Variants in ABL1 observed in about 807,000 individuals in gnomAD.
ABL1 encodes ABL proto-oncogene 1, non-receptor tyrosine kinase.
Under a neutral mutation model 94.7 loss-of-function variants are expected in ABL1, and 11 were observed. That is an observed-to-expected ratio of 0.12 (90% CI 0.07 to 0.19). ABL1 has a LOEUF of 0.19. ABL1 is among the 10% of genes least tolerant of loss of function. The pLI, the probability that ABL1 is intolerant of heterozygous loss-of-function variation, is 1.00. For synonymous variants in ABL1, 656 were observed against 622.4 expected (o/e 1.05, Z -0.80); for missense variants, 1,082 against 1,489.4 (o/e 0.73, Z 4.50).
intron 1 of ABL1, among the ~76,000 whole-genome samples, chr9:130,737,897 C>G (rs1831765582): frequency 1.3e-5 from 2 of 149,124 alleles, no homozygotes; most frequent in African/African-American, 2.5e-5. Context: ...GTGGCACAAT[C>G]TCGGCTCACT....
At chr9:130,853,417 A>AC (rs1045091671) in intron 1 of ABL1, among the ~76,000 whole-genome samples, 4 of 139,206 alleles carry the variant, frequency 2.9e-5, no homozygotes, top group Non-Finnish European at 6.1e-5. Flanking sequence ...CTCATGATCC[A>AC]CCCCCGGCTT....
intron 6 of ABL1, among the ~76,000 whole-genome samples, chr9:130,873,644 C>T (rs998925855): frequency 6.6e-6 from 1 of 152,110 alleles, no homozygotes; most frequent in Non-Finnish European, 1.5e-5. Context: ...TGTTTTAAAC[C>T]CTGAAGTGTT....
At chr9:130,719,266 T>C (rs1033686045) in intron 1 of ABL1, among the ~76,000 whole-genome samples, 1 of 152,250 alleles carries the variant, frequency 6.6e-6, no homozygotes, top group East Asian at 1.9e-4. Flanking sequence ...CGGTGGCTCA[T>C]GCCTATAATC....
chr9:130,831,277 C>G (rs1460949542), upstream of ABL1, among the ~76,000 whole-genome samples: 16 of 152,192 alleles, frequency 1.1e-4, no homozygotes, highest in African/African-American at 2.7e-4. Flanking sequence ...TCATCTGTCT[C>G]TGTTCCACCT....
rs1377767399 is a variant in ABL1, at chr9:130,855,343, C to T, written c.549+247C>T. Among the ~76,000 whole-genome samples the T allele has an allele frequency of 2.0e-5, 3 of 152,060 alleles. No homozygotes were observed. The East Asian group carries it at 5.8e-4, about 29-fold the overall frequency. On this transcript the variant is annotated intron_variant, in intron 3 of 10. Transcript: ENST00000318560. The stretch of plus-strand genomic sequence containing the variant: ...CTAGAGTTTTGTTGTTAGCAAGTTA[C>T]TTAAAATAGGAGGAATATCTGTTGG...
intron 1 of ABL1, among the ~76,000 whole-genome samples, chr9:130,845,196 T>C (rs1830744812): frequency 1.3e-5 from 2 of 152,346 alleles, no homozygotes; most frequent in South Asian, 4.1e-4. Context: ...TAGAGAAACC[T>C]CCTTTAAAAA....
At chr9:130,873,410 G>A (rs1407798573) in intron 6 of ABL1, among the ~76,000 whole-genome samples, 2 of 152,222 alleles carry the variant, frequency 1.3e-5, no homozygotes, top group African/African-American at 2.4e-5. Context: ...CGGGGCCAGC[G>A]CCCAGCAGTA....
Position 130,885,719 on chromosome 9 carries a change from C to T in ABL1, c.*36C>T, listed in dbSNP as rs1251449865. ...GGGTCAGGTGTCAGGCCCGTCGGAG[C>T]TGCCTGCAGCACATGCGGGCTCGCC... On this transcript the variant is annotated 3_prime_UTR_variant, in exon 11 of 11. Transcript: ENST00000318560. 1 of 1,581,690 alleles carries T rather than the reference C, an allele frequency of 6.3e-7. No homozygotes were observed. The highest frequency in any genetic ancestry group is 1.2e-5 in the South Asian group (1 of 84,952).
At chr9:130,773,883 A>G (rs1832282763) in intron 1 of ABL1, among the ~76,000 whole-genome samples, 1 of 152,166 alleles carries the variant, frequency 6.6e-6, no homozygotes, top group Non-Finnish European at 1.5e-5. Flanking sequence ...AACGATCACC[A>G]CAATTAAGAT....
At chr9:130,779,863 T>C (rs1829733210) in intron 1 of ABL1, among the ~76,000 whole-genome samples, 1 of 152,190 alleles carries the variant, frequency 6.6e-6, no homozygotes. Flanking sequence ...ACCTGACAGC[T>C]AGCTTGGTTA....
intron 1 of ABL1, among the ~76,000 whole-genome samples, chr9:130,792,880 C>T (rs1302664734): frequency 6.6e-6 from 1 of 152,150 alleles, no homozygotes; most frequent in Non-Finnish European, 1.5e-5. Flanking sequence ...TCACTAACAC[C>T]ATCTTGCCTC....
At chr9:130,761,265 C>A (rs1030430935) in intron 1 of ABL1, among the ~76,000 whole-genome samples, 2 of 152,076 alleles carry the variant, frequency 1.3e-5, no homozygotes, top group Non-Finnish European at 2.9e-5. Flanking sequence ...CTGCGCCCGG[C>A]CTATTTCCTC....
intron 1 of ABL1, among the ~76,000 whole-genome samples, chr9:130,761,972 C>T (rs11244132): frequency 0.22 from 33,434 of 151,858 alleles, 3,970 homozygotes; most frequent in Middle Eastern, 0.4. Flanking sequence ...GGGAAACCCC[C>T]GTCTCTACTA....
At chr9:130,770,538 T>A (rs568809150) in intron 1 of ABL1, among the ~76,000 whole-genome samples, 49 of 152,318 alleles carry the variant, frequency 3.2e-4, no homozygotes, top group African/African-American at 1.1e-3. Context: ...CAATACAGTC[T>A]TCTTCAGAGT....
At chr9:130,728,921 CAT>C (rs892424784) in intron 1 of ABL1, among the ~76,000 whole-genome samples, 4 of 152,116 alleles carry the variant, frequency 2.6e-5, no homozygotes, top group African/African-American at 7.2e-5. Flanking sequence ...GTATGCCAGA[CAT>C]GTGGGTGTTA....
Position 130,872,277 on chromosome 9 carries a change from T to A in ABL1, c.907+64T>A. On this transcript the variant is annotated intron_variant, in intron 5 of 10. Coordinates refer to ENST00000318560, the MANE Select transcript of ABL1 (RefSeq NM_005157.6). This position sits in a 1 kb window ranked among gnomAD's most constrained non-coding sequence, Gnocchi z 5.0. ...CGCACCCCCAGGGTGACACAGGCGC[T>A]GGGGAAGACGCACGGGCGGCTCACT... 1.3e-6 allele frequency: 2 copies of A among 1,481,652 alleles called. No individual in the cohort carries two copies. Among genetic ancestry groups the A allele is most frequent in the Non-Finnish European group, 1.9e-6 (2 of 1,072,638 alleles). The allele number at this position is 1,481,652 out of a possible 1,614,324, so 91.8% of individuals were successfully genotyped here.
In ABL1 at chr9:130,862,293, G is replaced by T. The variant is rs887682149; in HGVS notation, c.550-470G>T. On this transcript the variant is annotated intron_variant, in intron 3 of 10. Transcript: ENST00000318560. This position sits in a 1 kb window ranked among gnomAD's most constrained non-coding sequence, Gnocchi z 5.5. ...TTAGGGTTCTGCTTTCATGAAGCTTGCATGCTCTTAGGTGGAGACAGACAG... is the reference window on the plus strand; with the variant it reads ...TTAGGGTTCTGCTTTCATGAAGCTTTCATGCTCTTAGGTGGAGACAGACAG... Among the ~76,000 whole-genome samples the T allele has an allele frequency of 6.6e-6, 1 of 152,162 alleles. No individual in the cohort carries two copies. The highest frequency in any genetic ancestry group is 1.5e-5 in the Non-Finnish European group (1 of 68,024).
chr9:130,773,924 C>G (rs920279951), intron 1 of ABL1, among the ~76,000 whole-genome samples: 6 of 152,158 alleles, frequency 3.9e-5, no homozygotes, highest in Non-Finnish European at 1.5e-5. Context: ...CAGAAGTTTC[C>G]TTATGATTCT....
intron 1 of ABL1, among the ~76,000 whole-genome samples, chr9:130,842,044 A>AG (rs753299528): frequency 7.0e-4 from 105 of 150,616 alleles, no homozygotes; most frequent in Non-Finnish European, 1.3e-3. Context: ...GGAAAAAAAA[A>AG]CAAGCTGGGA....
Sources: gnomAD v4.1 joint callset for allele counts (sites outside exome capture counted in the v4.1 genomes callset) on GRCh38, gnomAD v4.1.1 for gene constraint, Gnocchi (gnomAD v3.1) non-coding constraint, MANE v1.5 for transcripts, NCBI Gene and HGNC (gene_info 2026-07-23, HGNC 2026-07-21) for gene names.